CRTC3: variants seen among roughly 807,000 people sequenced by gnomAD.
The protein encoded by CRTC3 is CREB regulated transcription coactivator 3.
In CRTC3, 26 loss-of-function variants were observed where a neutral mutation model predicts 74.5. The ratio of observed to expected loss-of-function variants is 0.35; its 90% CI spans 0.26 to 0.48. CRTC3 has a LOEUF of 0.48. CRTC3 is among the 20% of genes least tolerant of loss of function. The probability of loss-of-function intolerance (pLI) is 0.99; values close to 1 mark genes in which losing one functional copy is unlikely to be tolerated. For synonymous variants in CRTC3, 377 were observed against 325.8 expected (o/e 1.16, Z -1.69); for missense variants, 760 against 787.3 (o/e 0.97, Z 0.41).
chr15:90,625,738 A>C (rs769532125), intron 9 of CRTC3, 38 bp from the exon 10 acceptor site: 1 of 1,571,986 alleles, frequency 6.4e-7, no homozygotes, highest in Non-Finnish European at 8.8e-7. Flanking sequence ...ACAGCCAAAT[A>C]CATTGTAGAA....
At chr15:90,585,042 A>T (rs1191193008) in intron 2 of CRTC3, among the ~76,000 whole-genome samples, 1 of 152,238 alleles carries the variant, frequency 6.6e-6, no homozygotes, top group Non-Finnish European at 1.5e-5. Context: ...TTTGTATTGC[A>T]TCATAGTCAG....
At chr15:90,608,360 C>T (rs1356685670) in intron 6 of CRTC3, among the ~76,000 whole-genome samples, 1 of 152,154 alleles carries the variant, frequency 6.6e-6, no homozygotes, top group Non-Finnish European at 1.5e-5. Context: ...CTGCCTCTCT[C>T]CCTTTTCTCT....
At chr15:90,634,737 G>A (rs1596147950) in intron 11 of CRTC3, 2 of 825,896 alleles carry the variant, frequency 2.4e-6, no homozygotes, top group South Asian at 2.7e-5. Context: ...GGCAGGACAA[G>A]CGTGTAGAAA....
chr15:90,540,045 T>G lies in CRTC3; in HGVS notation c.139T>G (p.Phe47Val). ...MTDLTLSRVQ[F>V]QKLQQLRLTQ... Reference sequence around the variant, plus strand: ...TAAATCACTTTGTTTCCAGGTTCAATTTCAGAAGCTTCAGCAACTGCGCCT... The same window carrying G: ...TAAATCACTTTGTTTCCAGGTTCAAGTTCAGAAGCTTCAGCAACTGCGCCT... The change falls in exon 2 of 15, where the codon TTT becomes GTT. Residue 47 changes from phenylalanine (F) to valine (V), a missense_variant. By Grantham distance (50) the Phe-to-Val change is conservative. This residue lies in a region of CRTC3 where 108 missense variants were observed against 152.1 expected (regional missense o/e 0.71). Coordinates refer to ENST00000268184, the MANE Select transcript of CRTC3 (RefSeq NM_022769.5). 1 of 1,612,676 alleles carries G rather than the reference T, an allele frequency of 6.2e-7. No homozygotes were observed. Among genetic ancestry groups the G allele is most frequent in the Non-Finnish European group, 8.5e-7 (1 of 1,179,004 alleles).
At chr15:90,621,638 G>A (rs908474321) in intron 9 of CRTC3, among the ~76,000 whole-genome samples, 1 of 152,144 alleles carries the variant, frequency 6.6e-6, no homozygotes, top group South Asian at 2.1e-4. Flanking sequence ...TGTTTTTAAA[G>A]ATAGATAGGG....
intron 2 of CRTC3, among the ~76,000 whole-genome samples, chr15:90,578,917 ATCTG>A (rs1180937357): frequency 6.6e-6 from 1 of 152,132 alleles, no homozygotes; most frequent in African/African-American, 2.4e-5. Context: ...AGCATCTGTA[ATCTG>A]TCTGTTCTGT....
At position 90,642,261 on chromosome 15, in the gene CRTC3, G is replaced by C; in HGVS notation, c.*121G>C. 4.0e-6 allele frequency: 3 copies of C among 757,764 alleles called. No individual in the cohort carries two copies. The highest frequency in any genetic ancestry group is 6.5e-6 in the Non-Finnish European group (3 of 459,048). The allele number at this position is 757,764 out of a possible 1,614,324, so 46.9% of individuals were successfully genotyped here. A position where few individuals can be genotyped will look rare whatever the true frequency, so the allele number is the denominator to read the frequency against. On this transcript the variant is annotated 3_prime_UTR_variant, in exon 15 of 15. Transcript: ENST00000268184. ...TGACATAGAAGGAAGCAATGCCACG[G>C]CTCCAGGGTTTCAGATGAGATCCCA...
chr15:90,639,941 C>T (rs1182335708), intron 13 of CRTC3, among the ~76,000 whole-genome samples: 1 of 151,822 alleles, frequency 6.6e-6, no homozygotes, highest in Non-Finnish European at 1.5e-5. Context: ...CCCAGCTACT[C>T]GGGAGGCTGA....
chr15:90,531,642 C>T (rs1013970063), intron 1 of CRTC3, among the ~76,000 whole-genome samples: 3 of 152,180 alleles, frequency 2.0e-5, no homozygotes, highest in African/African-American at 7.2e-5. Flanking sequence ...CATCCACTGG[C>T]ATTTACATCT....
intron 6 of CRTC3, among the ~76,000 whole-genome samples, chr15:90,609,917 T>C (rs1272920153): frequency 6.6e-6 from 1 of 152,240 alleles, no homozygotes; most frequent in Non-Finnish European, 1.5e-5. Context: ...GGCTACAATA[T>C]CTGACAACCA....
chr15:90,541,074 T>C (rs1966794846), intron 2 of CRTC3, among the ~76,000 whole-genome samples: 1 of 152,200 alleles, frequency 6.6e-6, no homozygotes, highest in Non-Finnish European at 1.5e-5. Context: ...TTCACATCAG[T>C]GGAAAGCCTT....
rs1338755032 is a variant in CRTC3, at chr15:90,625,810, T to A, written c.784T>A (p.Ser262Thr). ...ACATAATGGTCAAAACCTAGGCCTC[T>A]CACCCTTCTTGGGGACCTTGAACAC... ...FPHNGQNLGL[S>T]PFLGTLNTGG... The change falls in exon 10 of 15, where the codon TCA becomes ACA. Residue 262 changes from serine to threonine, a missense_variant. By Grantham distance (58) the Ser-to-Thr change is moderately conservative. Coordinates refer to ENST00000268184, the MANE Select transcript of CRTC3 (RefSeq NM_022769.5). 1 of 1,614,248 alleles carries A rather than the reference T, an allele frequency of 6.2e-7. No individual in the cohort carries two copies. The highest frequency in any genetic ancestry group is 1.1e-5 in the South Asian group (1 of 91,088).
chr15:90,630,598 G>T (rs1969000882), intron 11 of CRTC3, among the ~76,000 whole-genome samples: 1 of 152,154 alleles, frequency 6.6e-6, no homozygotes, highest in Admixed American at 6.5e-5. Flanking sequence ...TGGCAACAGA[G>T]TGAGACCCTG....
intron 6 of CRTC3, among the ~76,000 whole-genome samples, chr15:90,609,465 G>A (rs565016934): frequency 7.2e-5 from 11 of 152,258 alleles, no homozygotes; most frequent in Non-Finnish European, 1.3e-4. Context: ...TCCATGGACC[G>A]GGAGCCAGCT....
intron 11 of CRTC3, among the ~76,000 whole-genome samples, chr15:90,633,276 T>C (rs979365368): frequency 6.6e-6 from 1 of 152,208 alleles, no homozygotes; most frequent in Admixed American, 6.5e-5. Context: ...TCCCCAACTC[T>C]TGGAGTTGGG....
At chr15:90,533,635 C>G (rs1712089898) in intron 1 of CRTC3, among the ~76,000 whole-genome samples, 1 of 151,958 alleles carries the variant, frequency 6.6e-6, no homozygotes, top group African/African-American at 2.4e-5. Context: ...TGAGTGAGTC[C>G]TTAGTGTGTG....
intron 11 of CRTC3, chr15:90,634,668 GC>G: frequency 1.7e-6 from 1 of 582,812 alleles, no homozygotes; most frequent in Non-Finnish European, 3.1e-6. Flanking sequence ...ACACTGAGGG[GC>G]TGTCTCCTTG....
intron 11 of CRTC3, among the ~76,000 whole-genome samples, chr15:90,634,241 T>A (rs1030860553): frequency 6.6e-5 from 10 of 151,976 alleles, no homozygotes; most frequent in African/African-American, 2.2e-4. Flanking sequence ...GCCTCCCGAA[T>A]AGCTGGGACT....
At position 90,641,215 on chromosome 15, in the gene CRTC3, C is replaced by CT. The variant is rs144403546; in HGVS notation, c.1651+17dup. The CT allele has an allele frequency of 3.7e-3, 5,721 of 1,528,444 alleles. 209 individuals are homozygous for CT. In the African/African-American group the frequency reaches 0.07, roughly 19 times the overall value. 94.7% of individuals were successfully genotyped at this position (1,528,444 alleles called of 1,614,324 possible). On this transcript the variant is annotated intron_variant, in intron 14 of 14. Transcript: ENST00000268184. ...ATCCTGCCAGGTGAGCGAGCTATCC[C>CT]TCAGCTTCTTTACTGCTTTTATGTT...
Sources: allele counts gnomAD v4.1 joint callset (sites outside exome capture counted in the v4.1 genomes callset), GRCh38; gene constraint gnomAD v4.1.1; regional missense constraint gnomAD v4.1.1; transcripts MANE v1.5; gene names NCBI Gene and HGNC (gene_info 2026-07-23, HGNC 2026-07-21).